Variants in GPATCH2 observed in about 807,000 individuals in gnomAD.
GPATCH2 encodes the protein G patch domain-containing protein 2.
Under a neutral mutation model 58.0 loss-of-function variants are expected in GPATCH2, and 51 were observed. The ratio of observed to expected loss-of-function variants is 0.88; its 90% CI spans 0.70 to 1.11. The LOEUF (loss-of-function observed/expected upper bound fraction) is 1.11, where lower values mean the gene tolerates loss of function less well. Among genes scored for constraint, GPATCH2 ranks in the 50% most tolerant of loss-of-function variants. The pLI is 0.00. For missense variants in GPATCH2, 625 were observed against 652.2 expected (o/e 0.96, Z 0.45); for synonymous variants, 222 against 218.5 (o/e 1.02, Z -0.14).
intron 5 of GPATCH2, among the ~76,000 whole-genome samples, chr1:217,569,734 G>T (rs1461819621): frequency 1.3e-5 from 2 of 152,062 alleles, no homozygotes; most frequent in East Asian, 1.9e-4. Context: ...AAGGCCAAAG[G>T]TTAAAAGAAT....
At position 217,428,142 on chromosome 1, in the gene GPATCH2, A is replaced by G. The variant is rs1658397532; in HGVS notation, c.*3003T>C. Reference sequence around the variant, plus strand: ...CAGTCTGGTCATTATCAAGTATAACAAATTTTTTAAACAGTCAAGTTGCTA... The same window carrying G: ...CAGTCTGGTCATTATCAAGTATAACGAATTTTTTAAACAGTCAAGTTGCTA... On this transcript the variant is annotated 3_prime_UTR_variant, in exon 10 of 10. Coordinates refer to ENST00000366935, the MANE Select transcript of GPATCH2 (RefSeq NM_018040.5). 1 of 152,180 alleles carries G rather than the reference A, an allele frequency of 6.6e-6. No individual in the cohort carries two copies. The allele number at this position is 152,180 out of a possible 1,614,324, so 9.4% of individuals were successfully genotyped here. A position where few individuals can be genotyped will look rare whatever the true frequency, so the allele number is the denominator to read the frequency against.
In GPATCH2 at chr1:217,622,086, G is replaced by A. The variant is rs551787348; in HGVS notation, c.57-1587C>T. Reference sequence around the variant, plus strand: ...CCAAGATCAGCTACACGATCCCAGTGGCCAGTTTGTATTTTTGTTTATGAT... The same window carrying A: ...CCAAGATCAGCTACACGATCCCAGTAGCCAGTTTGTATTTTTGTTTATGAT... On this transcript the variant is annotated intron_variant, in intron 1 of 9. Coordinates refer to ENST00000366935, the MANE Select transcript of GPATCH2 (RefSeq NM_018040.5). 3.3e-4 allele frequency among the ~76,000 whole-genome samples: 50 copies of A among 152,200 alleles called. 1 individual carries two copies. The highest frequency in any genetic ancestry group is 1.0e-3 in the African/African-American group (42 of 41,522).
chr1:217,503,562 A>C (rs1662406621), intron 6 of GPATCH2, among the ~76,000 whole-genome samples: 1 of 152,160 alleles, frequency 6.6e-6, no homozygotes. Flanking sequence ...AGGGGAGTGA[A>C]AGTATATTTG....
chr1:217,438,870 C>T lies in GPATCH2; in HGVS notation c.1367-7505G>A, dbSNP rs1033371214. On this transcript the variant is annotated intron_variant, in intron 9 of 9. Coordinates refer to ENST00000366935, the MANE Select transcript of GPATCH2 (RefSeq NM_018040.5). ...TGTCTTCTCGCTGCCAGATTCATAA[C>T]GCAAGTTCTTAGAGACCTACAAAGA... Among the ~76,000 whole-genome samples, 17 of 152,170 alleles carry T rather than the reference C, an allele frequency of 1.1e-4. 1 individual carries two copies. Among genetic ancestry groups the T allele is most frequent in the South Asian group, 8.3e-4 (4 of 4,818 alleles).
intron 5 of GPATCH2, among the ~76,000 whole-genome samples, chr1:217,561,467 G>T (rs990815244): frequency 1.3e-5 from 2 of 152,166 alleles, no homozygotes; most frequent in Non-Finnish European, 2.9e-5. Context: ...GTTTGTCATC[G>T]AGGTGTGTGT....
intron 5 of GPATCH2, among the ~76,000 whole-genome samples, chr1:217,541,893 G>C (rs189507103): frequency 6.6e-6 from 1 of 152,132 alleles, no homozygotes; most frequent in Non-Finnish European, 1.5e-5. Context: ...GGAATAAAAT[G>C]TTCAAGCCTC....
intron 8 of GPATCH2, among the ~76,000 whole-genome samples, chr1:217,460,472 C>G (rs940927740): frequency 6.6e-6 from 1 of 152,174 alleles, no homozygotes; most frequent in African/African-American, 2.4e-5. Flanking sequence ...TGATTCCAAA[C>G]CAATTTTCAA....
intron 5 of GPATCH2, among the ~76,000 whole-genome samples, chr1:217,583,937 A>T (rs1256329072): frequency 6.6e-6 from 1 of 152,114 alleles, no homozygotes; most frequent in Non-Finnish European, 1.5e-5. Flanking sequence ...TTATTCATTA[A>T]AAAAGGTAAA....
At chr1:217,560,936 C>T (rs1367253248) in intron 5 of GPATCH2, among the ~76,000 whole-genome samples, 1 of 152,122 alleles carries the variant, frequency 6.6e-6, no homozygotes, top group Non-Finnish European at 1.5e-5. Flanking sequence ...TTGGCATAGA[C>T]AGTGGTAAGT....
At chr1:217,565,713 A>T (rs1666191057) in intron 5 of GPATCH2, among the ~76,000 whole-genome samples, 1 of 152,110 alleles carries the variant, frequency 6.6e-6, no homozygotes, top group African/African-American at 2.4e-5. Flanking sequence ...GTTCTAAGGA[A>T]TATATTTAAG....
intron 5 of GPATCH2, among the ~76,000 whole-genome samples, chr1:217,602,777 T>C (rs544139115): frequency 1.3e-5 from 2 of 152,314 alleles, no homozygotes; most frequent in Admixed American, 6.5e-5. Flanking sequence ...CATTTCATTA[T>C]CATTTTTATT....
chr1:217,567,635 G>T (rs1666315013), intron 5 of GPATCH2, among the ~76,000 whole-genome samples: 1 of 152,190 alleles, frequency 6.6e-6, no homozygotes, highest in African/African-American at 2.4e-5. Flanking sequence ...TGATGTTTCT[G>T]TAAGAGTTAT....
intron 8 of GPATCH2, among the ~76,000 whole-genome samples, chr1:217,461,325 CAG>C (rs1660188391): frequency 6.6e-6 from 1 of 152,156 alleles, no homozygotes; most frequent in East Asian, 1.9e-4. Flanking sequence ...CTCCTTTATG[CAG>C]AGTCTTCTGA....
intron 1 of GPATCH2, among the ~76,000 whole-genome samples, chr1:217,628,457 T>C (rs564385573): frequency 6.6e-6 from 1 of 152,180 alleles, no homozygotes; most frequent in East Asian, 1.9e-4. Context: ...TTCTTAATTG[T>C]TGAAACAAAA....
intron 5 of GPATCH2, among the ~76,000 whole-genome samples, chr1:217,515,238 G>A (rs1185124797): frequency 6.6e-6 from 1 of 151,928 alleles, no homozygotes; most frequent in Non-Finnish European, 1.5e-5. Context: ...TGGGACTACA[G>A]GCACCCGCCA....
chr1:217,456,677 T>C (rs978078448), intron 8 of GPATCH2, among the ~76,000 whole-genome samples: 4 of 152,202 alleles, frequency 2.6e-5, no homozygotes, highest in East Asian at 1.9e-4. Context: ...ATGAATTTTA[T>C]CTGATTCTGA....
intron 5 of GPATCH2, among the ~76,000 whole-genome samples, chr1:217,586,162 C>T (rs1030929175): frequency 5.3e-5 from 8 of 152,098 alleles, no homozygotes; most frequent in Non-Finnish European, 7.4e-5. Context: ...ACTTAAGCTA[C>T]ACTAAATTTA....
At chr1:217,541,801 A>G (rs969509036) in intron 5 of GPATCH2, among the ~76,000 whole-genome samples, 1 of 152,242 alleles carries the variant, frequency 6.6e-6, no homozygotes, top group African/African-American at 2.4e-5. Context: ...ACTACCTCAC[A>G]TAATAATCTG....
intron 5 of GPATCH2, among the ~76,000 whole-genome samples, chr1:217,532,797 AG>A (rs1019126855): frequency 6.6e-6 from 1 of 152,082 alleles, no homozygotes; most frequent in Admixed American, 6.5e-5. Context: ...TGTGTGGGGA[AG>A]GGAAGATGGG....
Sources: allele counts gnomAD v4.1 joint callset (sites outside exome capture counted in the v4.1 genomes callset), GRCh38; gene constraint gnomAD v4.1.1; transcripts MANE v1.5; gene names NCBI Gene and HGNC (gene_info 2026-07-23, HGNC 2026-07-21).